FRYL: variants seen among roughly 807,000 people sequenced by gnomAD.
The protein encoded by FRYL is protein furry homolog-like.
In FRYL, 150 loss-of-function variants were observed where a neutral mutation model predicts 351.2. That is an observed-to-expected ratio of 0.43 (90% CI 0.37 to 0.49). The LOEUF (loss-of-function observed/expected upper bound fraction) is 0.49. Ranked by LOEUF, FRYL falls within the 20% of genes least tolerant of loss-of-function variation. The pLI is 0.00. For missense variants in FRYL, 3,036 were observed against 3,619.3 expected, an observed-to-expected ratio of 0.84 and a Z score of 4.13; for synonymous variants, 1,153 against 1,257.1, an observed-to-expected ratio of 0.92 and a Z score of 1.75.
intron 23 of FRYL, among the ~76,000 whole-genome samples, chr4:48,578,097 A>T (rs566381058): frequency 7.5e-5 from 11 of 145,964 alleles, no homozygotes; most frequent in African/African-American, 2.5e-4. Context: ...TGCAAAAATT[A>T]AAAAAAAAAA....
chr4:48,504,481 T>C (rs567251184), intron 60 of FRYL, among the ~76,000 whole-genome samples: 2 of 152,150 alleles, frequency 1.3e-5, no homozygotes, highest in African/African-American at 4.8e-5. Context: ...GCCGAAGTGA[T>C]GCAGTTAAAC....
intron 1 of FRYL, among the ~76,000 whole-genome samples, chr4:48,770,006 A>G (rs1015270575): frequency 1.6e-4 from 24 of 152,186 alleles, no homozygotes; most frequent in African/African-American, 3.9e-4. Context: ...GCAGTTATAC[A>G]AATCTACCTG....
rs74695987 is a variant in FRYL at position 48,557,095 on chromosome 4, C to T, written c.4149G>A (p.Ser1383=). 9,027 of 1,600,594 alleles carry T rather than the reference C, an allele frequency of 5.6e-3. 457 individuals carry two copies. The African/African-American group carries it at 0.11, about 20-fold the overall frequency. Residue 1383 remains serine (S), a synonymous_variant, in exon 35 of 64, where the codon TCG becomes TCA. Transcript: ENST00000358350. The stretch of plus-strand genomic sequence containing the variant: ...GTGTGGTCCACACATTCTCCACCTC[C>T]GACCAGGCCAGTTCATCGCCATACT... ...TAKYGDELAW[S]EVENVWTTLA... is the part of the protein sequence containing the mutation.
In FRYL at chr4:48,535,762, T is replaced by C. The variant is rs2148904554; in HGVS notation, c.6459A>G (p.Thr2153=). ...TAGAACAGTCTCTGGAATACGTGTGTGTACTGTACAAACTCATCATGTGTG... is the reference window on the plus strand; with the variant it reads ...TAGAACAGTCTCTGGAATACGTGTGCGTACTGTACAAACTCATCATGTGTG... ...NLAHMMSLYS[T]HTYSRDCSNW... Residue 2153 remains threonine (T), a synonymous_variant, in exon 48 of 64, where the codon ACA becomes ACG. Transcript: ENST00000358350. 1.2e-6 allele frequency: 2 copies of C among 1,603,226 alleles called. No individual in the cohort carries two copies. Among genetic ancestry groups the C allele is most frequent in the East Asian group, 2.2e-5 (1 of 44,452 alleles).
At chr4:48,538,066 T>C (rs1004964690) in intron 47 of FRYL, among the ~76,000 whole-genome samples, 1 of 152,204 alleles carries the variant, frequency 6.6e-6, no homozygotes, top group African/African-American at 2.4e-5. Flanking sequence ...AATTTTGTAT[T>C]ACGATTAGAC....
At chr4:48,664,659 A>G (rs1447351248) in intron 3 of FRYL, among the ~76,000 whole-genome samples, 1 of 152,202 alleles carries the variant, frequency 6.6e-6, no homozygotes, top group Admixed American at 6.5e-5. Flanking sequence ...AAGTAGACAG[A>G]TTACCAGTCC....
chr4:48,694,253 T>C (rs1765934520), intron 2 of FRYL, among the ~76,000 whole-genome samples: 1 of 152,150 alleles, frequency 6.6e-6, no homozygotes, highest in African/African-American at 2.4e-5. Flanking sequence ...CTAAAATCTT[T>C]TCACTTCAAT....
intron 45 of FRYL, 61 bp downstream of exon 45, chr4:48,541,966 G>C: frequency 9.1e-7 from 1 of 1,096,604 alleles, no homozygotes; most frequent in Non-Finnish European, 1.4e-6. Flanking sequence ...AAAAGTTATA[G>C]CTATATGTAG....
intron 33 of FRYL, among the ~76,000 whole-genome samples, chr4:48,558,531 C>T (rs1290407707): frequency 6.6e-6 from 1 of 152,158 alleles, no homozygotes; most frequent in African/African-American, 2.4e-5. Context: ...AATGTGAATA[C>T]ACTAAACAAT....
intron 1 of FRYL, among the ~76,000 whole-genome samples, chr4:48,774,546 A>ATT (rs1440410385): frequency 2.8e-5 from 4 of 143,194 alleles, no homozygotes; most frequent in African/African-American, 5.1e-5. Context: ...AATACAAATA[A>ATT]TTTTTTTTTT....
intron 1 of FRYL, among the ~76,000 whole-genome samples, chr4:48,751,849 T>TC (rs1264297561): frequency 1.3e-5 from 2 of 151,580 alleles, no homozygotes; most frequent in Non-Finnish European, 2.9e-5. Context: ...TTTTTTTTTT[T>TC]TTTTGGTCAC....
intron 31 of FRYL, 143 bp from the exon 32 acceptor site, chr4:48,563,131 G>T: frequency 1.8e-6 from 1 of 562,388 alleles, no homozygotes; most frequent in Non-Finnish European, 3.2e-6. Context: ...CAAGGCAATA[G>T]GTACAACAAC....
intron 7 of FRYL, among the ~76,000 whole-genome samples, chr4:48,614,496 CG>C (rs1304590018): frequency 6.6e-6 from 1 of 151,898 alleles, no homozygotes; most frequent in Non-Finnish European, 1.5e-5. Flanking sequence ...CCAAGGCAAG[CG>C]GATCACCTGA....
At position 48,557,116 on chromosome 4, in the gene FRYL, A is replaced by G; in HGVS notation, c.4128T>C (p.Tyr1376=). 6.3e-7 allele frequency: 1 copy of G among 1,581,298 alleles called. No homozygotes were observed. Among genetic ancestry groups the G allele is most frequent in the Non-Finnish European group, 8.6e-7 (1 of 1,159,168 alleles). The change falls in exon 35 of 64, where the codon TAT becomes TAC. Residue 1376 remains tyrosine (Y), a splice_region_variant and synonymous_variant. Transcript: ENST00000358350. ...LNNLMYMTAK[Y]GDELAWSEVE... is the part of the protein sequence containing the mutation. ...CCTCCGACCAGGCCAGTTCATCGCCATACTAGATGCAATATGCACAAAAGA... is the reference window on the plus strand; with the variant it reads ...CCTCCGACCAGGCCAGTTCATCGCCGTACTAGATGCAATATGCACAAAAGA...
At chr4:48,679,372 T>C (rs796206794) in intron 3 of FRYL, among the ~76,000 whole-genome samples, 4 of 152,280 alleles carry the variant, frequency 2.6e-5, no homozygotes, top group African/African-American at 9.6e-5. Flanking sequence ...ATAAATATAC[T>C]ATTTTTTAAA....
intron 18 of FRYL, among the ~76,000 whole-genome samples, chr4:48,588,156 G>A (rs1742533333): frequency 6.6e-6 from 1 of 152,174 alleles, no homozygotes; most frequent in African/African-American, 2.4e-5. Context: ...AGTGTGCAAT[G>A]GTGTTGCCTC....
At position 48,716,413 on chromosome 4, in the gene FRYL, T is replaced by G. The variant is rs1768835055; in HGVS notation, c.-383-5715A>C. Among the ~76,000 whole-genome samples the G allele has an allele frequency of 4.6e-5, 7 of 151,078 alleles. No individual in the cohort carries two copies. The Admixed American group carries it at 4.7e-4, about 10-fold the overall frequency. ...CTAATATCCAGAATCTACAATGAACTCCAACAAATTTACAAGAAAAAAACA... is the reference window on the plus strand; with the variant it reads ...CTAATATCCAGAATCTACAATGAACGCCAACAAATTTACAAGAAAAAAACA... On this transcript the variant is annotated intron_variant, in intron 1 of 63. Transcript: ENST00000358350.
chr4:48,586,159 T>C (rs765987142), intron 19 of FRYL, among the ~76,000 whole-genome samples: 3 of 151,924 alleles, frequency 2.0e-5, no homozygotes, highest in Non-Finnish European at 4.4e-5. Context: ...ACATGCCTAA[T>C]AGAAGAGAGA....
At chr4:48,568,472 A>T (rs1421711283) in intron 27 of FRYL, among the ~76,000 whole-genome samples, 1 of 152,208 alleles carries the variant, frequency 6.6e-6, no homozygotes, top group Non-Finnish European at 1.5e-5. Flanking sequence ...AGTAAACAAT[A>T]AGTGCTATAT....
Sources: gnomAD v4.1 joint callset for allele counts (sites outside exome capture counted in the v4.1 genomes callset) on GRCh38, gnomAD v4.1.1 for gene constraint, MANE v1.5 for transcripts, NCBI Gene and HGNC (gene_info 2026-07-23, HGNC 2026-07-21) for gene names.